Variants in ZNF385B observed in about 807,000 individuals in gnomAD.
ZNF385B encodes zinc finger protein 533.
A neutral mutation model predicts 39.2 loss-of-function variants in ZNF385B; 23 were observed. The observed-to-expected ratio is 0.59, with a 90% CI of 0.42 to 0.83. The LOEUF (loss-of-function observed/expected upper bound fraction) is 0.83, where lower values mean the gene tolerates loss of function less well. Ranked by LOEUF, ZNF385B falls within the 40% of genes least tolerant of loss-of-function variation. The pLI is 0.00. For missense variants in ZNF385B, 552 were observed against 598.9 expected, an observed-to-expected ratio of 0.92 and a Z score of 0.82; for synonymous variants, 205 against 222.6, an observed-to-expected ratio of 0.92 and a Z score of 0.70.
At chr2:179,546,501 T>G (rs747371269) in intron 3 of ZNF385B, among the ~76,000 whole-genome samples, 2 of 152,202 alleles carry the variant, frequency 1.3e-5, no homozygotes, top group African/African-American at 2.4e-5. Flanking sequence ...CTGGCTTATT[T>G]CACTTAACAT....
chr2:179,586,359 GGGGCTGC>G (rs1351309509), intron 3 of ZNF385B, among the ~76,000 whole-genome samples: 7 of 152,206 alleles, frequency 4.6e-5, no homozygotes, highest in African/African-American at 1.7e-4. Context: ...CTTGAAGACA[GGGGCTGC>G]TTTTTACATT....
At chr2:179,525,948 T>C (rs1011398618) in intron 4 of ZNF385B, among the ~76,000 whole-genome samples, 1 of 151,616 alleles carries the variant, frequency 6.6e-6, no homozygotes, top group Admixed American at 6.6e-5. Flanking sequence ...AGAAAACAGA[T>C]ACAGCAACAA....
intron 3 of ZNF385B, among the ~76,000 whole-genome samples, chr2:179,602,662 A>G (rs1688499891): frequency 6.6e-6 from 1 of 152,216 alleles, no homozygotes; most frequent in African/African-American, 2.4e-5. Context: ...TACAGTGGTA[A>G]ATACCACGTA....
chr2:179,504,223 T>G (rs2057036555), intron 5 of ZNF385B, among the ~76,000 whole-genome samples: 1 of 152,110 alleles, frequency 6.6e-6, no homozygotes, highest in African/African-American at 2.4e-5. Flanking sequence ...TTTTTATGGC[T>G]GCATAGTAAA....
chr2:179,588,572 T>C (rs1329749399), intron 3 of ZNF385B, among the ~76,000 whole-genome samples: 1 of 152,120 alleles, frequency 6.6e-6, no homozygotes, highest in African/African-American at 2.4e-5. Context: ...GCTAAAATCA[T>C]TTTCCAACTT....
chr2:179,753,457 T>G (rs1207978487), intron 3 of ZNF385B, among the ~76,000 whole-genome samples: 3 of 152,244 alleles, frequency 2.0e-5, no homozygotes, highest in African/African-American at 7.2e-5. Flanking sequence ...TAAAGTAGTT[T>G]TTTCCAATTC....
chr2:179,801,718 T>C (rs1308812494), intron 1 of ZNF385B, among the ~76,000 whole-genome samples: 2 of 152,164 alleles, frequency 1.3e-5, no homozygotes, highest in East Asian at 3.8e-4. Flanking sequence ...TTTTAGAGTG[T>C]GATTTAAGAG....
In ZNF385B at chr2:179,545,646, T is replaced by C. The variant is rs11894851; in HGVS notation, c.299-677A>G. Among the ~76,000 whole-genome samples, 365 of 152,314 alleles carry C rather than the reference T, an allele frequency of 2.4e-3. 3 individuals carry two copies. Among genetic ancestry groups the C allele is most frequent in the African/African-American group, 7.6e-3 (317 of 41,568 alleles). On this transcript the variant is annotated intron_variant, in intron 3 of 9. Coordinates refer to ENST00000410066, the MANE Select transcript of ZNF385B (RefSeq NM_152520.6). Reference sequence around the variant, plus strand: ...AGGACAGGGATTCAAATTTTTGTTTTCAACTTTTTATTTCTAATTTGTTTT... The same window carrying C: ...AGGACAGGGATTCAAATTTTTGTTTCCAACTTTTTATTTCTAATTTGTTTT...
intron 3 of ZNF385B, among the ~76,000 whole-genome samples, chr2:179,640,669 T>C (rs567492786): frequency 1.6e-4 from 25 of 152,128 alleles, no homozygotes; most frequent in African/African-American, 6.0e-4. Flanking sequence ...AATTGCTAAG[T>C]GGAAAGAATA....
At chr2:179,580,168 T>C (rs1686324319) in intron 3 of ZNF385B, among the ~76,000 whole-genome samples, 1 of 152,094 alleles carries the variant, frequency 6.6e-6, no homozygotes, top group South Asian at 2.1e-4. Context: ...GAGGATTAAA[T>C]AAATAATGTA....
At chr2:179,792,121 A>AC (rs898571918) in intron 1 of ZNF385B, among the ~76,000 whole-genome samples, 2 of 151,912 alleles carry the variant, frequency 1.3e-5, no homozygotes, top group African/African-American at 2.4e-5. Flanking sequence ...GACTTTTGGC[A>AC]CCCCCTAAAG....
intron 5 of ZNF385B, among the ~76,000 whole-genome samples, chr2:179,513,350 T>A (rs2057829545): frequency 6.6e-6 from 1 of 152,224 alleles, no homozygotes; most frequent in Non-Finnish European, 1.5e-5. Context: ...CTTTGTGGCT[T>A]TACTGCCCAG....
intron 3 of ZNF385B, among the ~76,000 whole-genome samples, chr2:179,662,377 G>A (rs941608531): frequency 2.9e-5 from 3 of 104,160 alleles, no homozygotes; most frequent in African/African-American, 1.0e-4. Flanking sequence ...TTTTTTTTTT[G>A]GTGGGCAGTG....
At chr2:179,552,307 G>A (rs1044598535) in intron 3 of ZNF385B, among the ~76,000 whole-genome samples, 1 of 149,182 alleles carries the variant, frequency 6.7e-6, no homozygotes, top group African/African-American at 2.5e-5. Flanking sequence ...CTTCAAAAGA[G>A]TATGCCAGAG....
chr2:179,506,539 T>A (rs1030202149), intron 5 of ZNF385B, among the ~76,000 whole-genome samples: 1 of 152,186 alleles, frequency 6.6e-6, no homozygotes, highest in Non-Finnish European at 1.5e-5. Flanking sequence ...TTGATTGTAT[T>A]AAAATTCACT....
intron 3 of ZNF385B, among the ~76,000 whole-genome samples, chr2:179,620,052 T>C (rs768077445): frequency 5.3e-5 from 8 of 152,158 alleles, no homozygotes; most frequent in Non-Finnish European, 1.0e-4. Flanking sequence ...TCACAGGCCT[T>C]TCTCCTTTTG....
At chr2:179,767,914 A>G (rs1703798590) in intron 3 of ZNF385B, among the ~76,000 whole-genome samples, 1 of 148,312 alleles carries the variant, frequency 6.7e-6, no homozygotes, top group African/African-American at 2.5e-5. Context: ...AAATATATAT[A>G]TAATATTATT....
chr2:179,745,710 C>G, intron 3 of ZNF385B: 3 of 1,541,044 alleles, frequency 1.9e-6, no homozygotes, highest in Non-Finnish European at 2.6e-6. Flanking sequence ...TAAAAACGCT[C>G]ACCTCTGCTA....
chr2:179,603,356 C>T lies in ZNF385B; in HGVS notation c.299-58387G>A, dbSNP rs1328527617. On this transcript the variant is annotated intron_variant, in intron 3 of 9. Coordinates refer to ENST00000410066, the MANE Select transcript of ZNF385B (RefSeq NM_152520.6). ...AGTGCACACACTCAATATATGTTAG[C>T]GATCTTCCAAGGCAGCCCAGATTAG... Among the ~76,000 whole-genome samples, 7 of 152,142 alleles carry T rather than the reference C, an allele frequency of 4.6e-5. 1 individual carries two copies. The South Asian group carries it at 6.2e-4, about 13-fold the overall frequency.
Sources: allele counts gnomAD v4.1 joint callset (sites outside exome capture counted in the v4.1 genomes callset), GRCh38; gene constraint gnomAD v4.1.1; transcripts MANE v1.5; gene names NCBI Gene and HGNC (gene_info 2026-07-23, HGNC 2026-07-21).